EPM2A: variants seen among roughly 807,000 people sequenced by gnomAD.
The protein encoded by EPM2A is EPM2A glucan phosphatase, laforin, also known as laforin.
A neutral mutation model predicts 26.5 loss-of-function variants in EPM2A; 21 were observed. The observed-to-expected ratio is 0.79, with a 90% confidence interval of 0.56 to 1.14. The LOEUF is 1.14. Among genes scored for constraint, EPM2A ranks in the 50% most tolerant of loss-of-function variants. EPM2A has a pLI of 0.00. For synonymous variants in EPM2A, 217 were observed against 177.6 expected, an observed-to-expected ratio of 1.22 and a Z score of -1.76; for missense variants, 458 against 440.8, an observed-to-expected ratio of 1.04 and a Z score of -0.35.
intron 2 of EPM2A, among the ~76,000 whole-genome samples, chr6:145,589,545 A>G (rs1781241336): frequency 6.6e-6 from 1 of 152,198 alleles, no homozygotes; most frequent in African/African-American, 2.4e-5. Context: ...AGAGACTACA[A>G]AACTAAGAAA....
chr6:145,646,745 C>A (rs1023615010), intron 2 of EPM2A, among the ~76,000 whole-genome samples: 1 of 152,126 alleles, frequency 6.6e-6, no homozygotes, highest in African/African-American at 2.4e-5. Flanking sequence ...TCCATTATCT[C>A]TAGCTCAGAC....
chr6:145,732,290 C>A (rs1776535973), intron 1 of EPM2A, among the ~76,000 whole-genome samples: 1 of 147,340 alleles, frequency 6.8e-6, no homozygotes, highest in African/African-American at 2.5e-5. Flanking sequence ...TTTTTCTTAT[C>A]CTCTCATATA....
intron 2 of EPM2A, among the ~76,000 whole-genome samples, chr6:145,544,853 C>T (rs1412548624): frequency 6.6e-6 from 1 of 152,080 alleles, no homozygotes; most frequent in Admixed American, 6.5e-5. Flanking sequence ...CAGGGTAGGA[C>T]CCCTGACTAA....
intron 1 of EPM2A, among the ~76,000 whole-genome samples, chr6:145,689,894 G>C (rs981596196): frequency 6.6e-6 from 1 of 152,194 alleles, no homozygotes; most frequent in Non-Finnish European, 1.5e-5. Context: ...CCTCCATTTG[G>C]CAGTAACGAG....
chr6:145,639,335 C>T (rs1776914872), intron 2 of EPM2A: 1 of 152,180 alleles, frequency 6.6e-6, no homozygotes, highest in Admixed American at 6.5e-5. Context: ...CAGAAGTTTT[C>T]AAACCTGGCT....
At chr6:145,731,793 T>C (rs76165107) in intron 1 of EPM2A, among the ~76,000 whole-genome samples, 5 of 152,218 alleles carry the variant, frequency 3.3e-5, no homozygotes, top group East Asian at 1.9e-4. Flanking sequence ...AAAGAAATCA[T>C]AGAAAATTTC....
At chr6:145,411,361 T>C (rs1778640902) in intron 4 of EPM2A, among the ~76,000 whole-genome samples, 1 of 152,208 alleles carries the variant, frequency 6.6e-6, no homozygotes, top group South Asian at 2.1e-4. Context: ...AATGACTTGA[T>C]TGATTTAAGA....
At chr6:145,490,902 G>C (rs1267743111) in intron 4 of EPM2A, 1 of 718,356 alleles carries the variant, frequency 1.4e-6, no homozygotes, top group Non-Finnish European at 2.4e-6. Context: ...AACAGTGCTA[G>C]AGCAGAATCA....
chr6:145,496,632 T>G (rs974494705), downstream of EPM2A, among the ~76,000 whole-genome samples: 3 of 152,118 alleles, frequency 2.0e-5, no homozygotes, highest in Non-Finnish European at 4.4e-5. Context: ...TTAATACTTG[T>G]GATTGCATTA....
intron 1 of EPM2A, among the ~76,000 whole-genome samples, chr6:145,705,374 TACACATGCAC>T (rs1488150247): frequency 6.6e-6 from 1 of 152,080 alleles, no homozygotes; most frequent in Non-Finnish European, 1.5e-5. Flanking sequence ...TAGATAGATA[TACACATGCAC>T]ACACATACAC....
At chr6:145,425,639 A>G (rs1368449077) in intron 4 of EPM2A, among the ~76,000 whole-genome samples, 2 of 151,438 alleles carry the variant, frequency 1.3e-5, no homozygotes, top group Non-Finnish European at 2.9e-5. Flanking sequence ...GGCAAAAAAA[A>G]AAAAAAAAAG....
intron 4 of EPM2A, among the ~76,000 whole-genome samples, chr6:145,475,827 A>C (rs1006311013): frequency 3.3e-5 from 5 of 152,096 alleles, no homozygotes; most frequent in Admixed American, 3.3e-4. Context: ...AAGAAACTAA[A>C]TAATATCACC....
At chr6:145,652,330 T>A (rs1483826689) in intron 2 of EPM2A, among the ~76,000 whole-genome samples, 1 of 152,064 alleles carries the variant, frequency 6.6e-6, no homozygotes, top group Non-Finnish European at 1.5e-5. Context: ...TGCCACCTCT[T>A]TTTGTTTGTT....
chr6:145,425,116 C>CCCTTCCTTCCTTCTTTCCTTCCTT (rs1778836607), intron 4 of EPM2A, among the ~76,000 whole-genome samples: 1 of 131,846 alleles, frequency 7.6e-6, no homozygotes, highest in East Asian at 2.2e-4. Context: ...ATGTAAGTCT[C>CCCTTCCTTCCTTCTTTCCTTCCTT]CCTTCCTTCC....
chr6:145,551,044 C>G (rs1288715242), intron 2 of EPM2A, among the ~76,000 whole-genome samples: 2 of 151,994 alleles, frequency 1.3e-5, no homozygotes, highest in Non-Finnish European at 2.9e-5. Flanking sequence ...TCCAGAATTC[C>G]ATGTGTGAGA....
At chr6:145,536,590 C>A (rs952230398) in intron 2 of EPM2A, among the ~76,000 whole-genome samples, 1 of 151,238 alleles carries the variant, frequency 6.6e-6, no homozygotes, top group African/African-American at 2.4e-5. Context: ...AGCCACTGCA[C>A]CTGGCCCCTT....
downstream of EPM2A, among the ~76,000 whole-genome samples, chr6:145,622,493 T>A (rs1318129120): frequency 6.6e-6 from 1 of 152,160 alleles, no homozygotes; most frequent in Non-Finnish European, 1.5e-5. Flanking sequence ...AATCAGGTGA[T>A]CACAGATATA....
In EPM2A at chr6:145,564,938, A is replaced by C. The variant is rs532467382; in HGVS notation, c.341-62363T>G. 1.3e-5 allele frequency among the ~76,000 whole-genome samples: 2 copies of C among 152,242 alleles called. 1 individual carries two copies. Among genetic ancestry groups the C allele is most frequent in the South Asian group, 4.2e-4 (2 of 4,816 alleles). Reference sequence around the variant, plus strand: ...TTTCTGTTTGTACCACTGCTCCTGTACTATAGGGCTTGGGCAGTTCTCAGC... The same window carrying C: ...TTTCTGTTTGTACCACTGCTCCTGTCCTATAGGGCTTGGGCAGTTCTCAGC... On this transcript the variant is annotated intron_variant, in intron 2 of 3. Coordinates refer to the EPM2A transcript ENST00000450221.
intron 2 of EPM2A, among the ~76,000 whole-genome samples, chr6:145,546,469 C>T (rs1489359701): frequency 6.6e-6 from 1 of 152,152 alleles, no homozygotes; most frequent in Admixed American, 6.6e-5. Context: ...TCAATCTCTT[C>T]CAGAAATAGC....
Sources: gnomAD v4.1 joint callset for allele counts (sites outside exome capture counted in the v4.1 genomes callset) on GRCh38, gnomAD v4.1.1 for gene constraint, MANE v1.5 for transcripts, NCBI Gene and HGNC (gene_info 2026-07-23, HGNC 2026-07-21) for gene names.